Variants in RANBP2 observed in about 807,000 individuals in gnomAD.
RANBP2 encodes RAN binding protein 2, also known as E3 SUMO-protein ligase RanBP2.
In RANBP2, 57 loss-of-function variants were observed where a neutral mutation model predicts 303.6. That is an observed-to-expected ratio of 0.19 (90% CI 0.15 to 0.23). RANBP2 has a LOEUF of 0.23. Among genes scored for constraint, RANBP2 ranks in the 10% least tolerant of loss-of-function variants. The pLI is 1.00. For missense variants in RANBP2, 3,138 were observed against 3,780.8 expected (o/e 0.83, Z 4.46); for synonymous variants, 1,167 against 1,301.5 (o/e 0.90, Z 2.23).
the RANBP2 span, among the ~76,000 whole-genome samples, chr2:109,607,228 G>GT: frequency 2.0e-5 from 3 of 152,156 alleles, no homozygotes; most frequent in Non-Finnish European, 2.9e-5. Flanking sequence ...GCTGCTTGGA[G>GT]TAAGACTACA....
the RANBP2 span, among the ~76,000 whole-genome samples, chr2:109,303,304 GAGGAA>G: frequency 6.6e-6 from 1 of 152,246 alleles, no homozygotes; most frequent in Non-Finnish European, 1.5e-5. Flanking sequence ...CCATCCATGT[GAGGAA>G]AGAGCTTGCC....
the RANBP2 span, among the ~76,000 whole-genome samples, chr2:109,493,500 A>C: frequency 2.0e-5 from 3 of 151,304 alleles, no homozygotes; most frequent in Non-Finnish European, 4.4e-5. Flanking sequence ...ACACCATACA[A>C]ACACATACCT....
the RANBP2 span, among the ~76,000 whole-genome samples, chr2:109,074,875 G>A: frequency 6.7e-6 from 1 of 148,370 alleles, no homozygotes; most frequent in East Asian, 1.9e-4. Context: ...ACAAAAATTA[G>A]CTGGGCATGG....
At chr2:109,334,366 A>AG in the RANBP2 span, among the ~76,000 whole-genome samples, 4 of 139,322 alleles carry the variant, frequency 2.9e-5, no homozygotes, top group Non-Finnish European at 6.1e-5. Context: ...TTTAAAAAAA[A>AG]AAAAAAAAAA....
chr2:108,928,960 A>G, the RANBP2 span, among the ~76,000 whole-genome samples: 1 of 152,200 alleles, frequency 6.6e-6, no homozygotes, highest in African/African-American at 2.4e-5. Flanking sequence ...AGATATTATG[A>G]TGGTTAATGG....
At chr2:109,550,674 A>T in the RANBP2 span, among the ~76,000 whole-genome samples, 6 of 152,318 alleles carry the variant, frequency 3.9e-5, no homozygotes, top group African/African-American at 1.4e-4. Context: ...GAGCTAGCAG[A>T]TGACTTCCAT....
chr2:109,526,849 G>A, the RANBP2 span, among the ~76,000 whole-genome samples: 3 of 152,136 alleles, frequency 2.0e-5, no homozygotes, highest in African/African-American at 7.2e-5. Context: ...CTCTCTAGGA[G>A]ACCCTCTCTG....
chr2:109,337,158 GA>G, the RANBP2 span, among the ~76,000 whole-genome samples: 2 of 152,174 alleles, frequency 1.3e-5, no homozygotes, highest in South Asian at 4.1e-4. Flanking sequence ...AGGGAGGTAC[GA>G]ACTGGCTCAT....
At chr2:109,280,802 T>A in the RANBP2 span, among the ~76,000 whole-genome samples, 12 of 152,182 alleles carry the variant, frequency 7.9e-5, no homozygotes, top group Middle Eastern at 3.2e-3. Flanking sequence ...CTCTCTTCAT[T>A]TATTGAGCAC....
At chr2:109,718,036 CAG>C in the RANBP2 span, among the ~76,000 whole-genome samples, 2 of 152,052 alleles carry the variant, frequency 1.3e-5, no homozygotes, top group African/African-American at 4.8e-5. Flanking sequence ...GCAAAACTGA[CAG>C]AAATTTAAAA....
At chr2:109,728,242 A>C in the RANBP2 span, among the ~76,000 whole-genome samples, 1 of 152,078 alleles carries the variant, frequency 6.6e-6, no homozygotes, top group Non-Finnish European at 1.5e-5. Context: ...TGGCTTCTTC[A>C]GGCCCAGTCA....
At chr2:109,501,739 G>T in the RANBP2 span, 1 of 690,726 alleles carries the variant, frequency 1.4e-6, no homozygotes. Flanking sequence ...GGCACACAGA[G>T]AGGGAGCCAT....
chr2:109,280,756 A>C, the RANBP2 span, among the ~76,000 whole-genome samples: 2 of 152,232 alleles, frequency 1.3e-5, no homozygotes, highest in African/African-American at 4.8e-5. Context: ...GGCTGTGAGC[A>C]TGAGCCTCGA....
chr2:109,420,741 G>A, the RANBP2 span, among the ~76,000 whole-genome samples: 13 of 152,110 alleles, frequency 8.5e-5, no homozygotes, highest in South Asian at 2.1e-4. Context: ...CACCGCGCCC[G>A]GCCAAACAGG....
the RANBP2 span, among the ~76,000 whole-genome samples, chr2:109,288,012 A>G: frequency 1.4e-4 from 20 of 143,230 alleles, no homozygotes; most frequent in African/African-American, 4.3e-4. Context: ...GGGCCATCCC[A>G]TGGCCTTTTG....
At chr2:108,749,375 G>A (rs1338528667) in intron 9 of RANBP2, among the ~76,000 whole-genome samples, 2 of 152,080 alleles carry the variant, frequency 1.3e-5, no homozygotes, top group Admixed American at 6.6e-5. Flanking sequence ...TCGGCTCACT[G>A]TAACCTCTGC....
the RANBP2 span, among the ~76,000 whole-genome samples, chr2:109,220,719 A>G: frequency 1.4e-5 from 2 of 143,456 alleles, no homozygotes; most frequent in Non-Finnish European, 3.0e-5. Flanking sequence ...ACAGTGAGAA[A>G]CCATTCCCAC....
chr2:109,622,627 G>C, the RANBP2 span, among the ~76,000 whole-genome samples: 1 of 152,106 alleles, frequency 6.6e-6, no homozygotes, highest in African/African-American at 2.4e-5. Context: ...AATATTTGAG[G>C]TGTAGTTATA....
At chr2:109,396,973 C>T in the RANBP2 span, among the ~76,000 whole-genome samples, 5 of 152,220 alleles carry the variant, frequency 3.3e-5, no homozygotes, top group East Asian at 1.9e-4. Flanking sequence ...TGCTGAGTCC[C>T]GTTTTTCCCA....
Sources: gnomAD v4.1 joint callset for allele counts (sites outside exome capture counted in the v4.1 genomes callset) on GRCh38, gnomAD v4.1.1 for gene constraint, MANE v1.5 for transcripts, NCBI Gene and HGNC (gene_info 2026-07-23, HGNC 2026-07-21) for gene names.